Variants in PSIP1 observed in about 807,000 individuals in gnomAD.
PSIP1 encodes the protein PC4 and SFRS1-interacting protein.
PSIP1 carries 19 observed loss-of-function variants against 74.7 expected under a neutral mutation model. The ratio of observed to expected loss-of-function variants is 0.25; its 90% CI spans 0.18 to 0.37. The LOEUF is 0.37. Ranked by LOEUF, PSIP1 falls within the 10% of genes least tolerant of loss-of-function variation. PSIP1 has a pLI of 1.00. For synonymous variants in PSIP1, 222 were observed against 195.3 expected (o/e 1.14, Z -1.14); for missense variants, 601 against 614.3 (o/e 0.98, Z 0.23).
chr9:15,486,144 T>C, intron 5 of PSIP1, 76 bp from the exon 6 acceptor site: 1 of 1,238,656 alleles, frequency 8.1e-7, no homozygotes, highest in Non-Finnish European at 1.1e-6. Context: ...AACTAAAAGT[T>C]ACAAGCACGT....
chr9:15,502,557 T>G lies in PSIP1; in HGVS notation c.149+4004A>C, dbSNP rs117845441. ...CTGAGTAGCTGGGACTACAGACATG[T>G]CCCAGTGTGCCCAACTTAGGACATT... On this transcript the variant is annotated intron_variant, in intron 3 of 15. Transcript: ENST00000380733. 9.9e-3 allele frequency among the ~76,000 whole-genome samples: 1,502 copies of G among 152,292 alleles called. 15 individuals carry two copies. The highest frequency in any genetic ancestry group is 0.016 in the Non-Finnish European group (1,068 of 68,020).
intron 6 of PSIP1, chr9:15,485,787 G>T (rs982637668): frequency 2.5e-5 from 10 of 396,818 alleles, no homozygotes; most frequent in Non-Finnish European, 2.7e-5. Flanking sequence ...ATGAAAACTG[G>T]TGTATTTTAT....
chr9:15,503,315 C>T (rs952359515), intron 3 of PSIP1, among the ~76,000 whole-genome samples: 1 of 151,692 alleles, frequency 6.6e-6, no homozygotes, highest in African/African-American at 2.4e-5. Flanking sequence ...TGCAATGAGC[C>T]GAGATGGTGC....
Position 15,473,915 on chromosome 9 carries a change from C to CAAAAAAAAAAAAAAAA in PSIP1, c.858+93_858+94insTTTTTTTTTTTTTTTT, listed in dbSNP as rs386414512. On this transcript the variant is annotated intron_variant, in intron 9 of 15. Coordinates refer to ENST00000380733, the MANE Select transcript of PSIP1 (RefSeq NM_033222.5). ...GACTCCATCTCAAACAAAAAAAAAACAAAAAAAAAAACAAAAAAAAAACAA... is the reference window on the plus strand; with the variant it reads ...GACTCCATCTCAAACAAAAAAAAAACAAAAAAAAAAAAAAAAAAAAAAAAAAACAAAAAAAAAACAA... 8.3e-6 allele frequency: 5 copies of CAAAAAAAAAAAAAAAA among 600,640 alleles called. No individual in the cohort carries two copies. The African/African-American group carries it at 1.5e-4, about 19-fold the overall frequency. The allele number at this position is 600,640 out of a possible 1,614,324, so 37.2% of individuals were successfully genotyped here.
At position 15,465,556 on chromosome 9, in the gene PSIP1, A is replaced by T. The variant is rs1421293670; in HGVS notation, c.1557T>A (p.Thr519=). 1.9e-6 allele frequency: 3 copies of T among 1,586,342 alleles called. No homozygotes were observed. Among genetic ancestry groups the T allele is most frequent in the Non-Finnish European group, 2.6e-6 (3 of 1,157,418 alleles). Residue 519 remains threonine, a synonymous_variant, in exon 16 of 16, where the codon ACT becomes ACA. Coordinates refer to ENST00000380733, the MANE Select transcript of PSIP1 (RefSeq NM_033222.5). ...KKKPSSEERE[T]EISLKDSTLD... ...GTGTAGAATCCTTCAGAGATATTTC[A>T]GTCTCTCTCTCTTCACTGGATGGCC... is the stretch of plus-strand genomic sequence containing the variant.
At chr9:15,496,931 G>A (rs535951782) in intron 3 of PSIP1, among the ~76,000 whole-genome samples, 221 of 152,240 alleles carry the variant, frequency 1.5e-3, no homozygotes, top group African/African-American at 5.2e-3. Context: ...ACAAGTGTTG[G>A]CAAGGATGTG....
chr9:15,479,130 C>T (rs1031407187), intron 7 of PSIP1, among the ~76,000 whole-genome samples: 27 of 152,026 alleles, frequency 1.8e-4, no homozygotes, highest in Admixed American at 5.9e-4. Flanking sequence ...CAAAATATTT[C>T]CAATTTGCCA....
At chr9:15,506,923 C>G (rs542507733) in intron 2 of PSIP1, among the ~76,000 whole-genome samples, 2 of 152,332 alleles carry the variant, frequency 1.3e-5, no homozygotes, top group South Asian at 2.1e-4. Flanking sequence ...TTATTATGTG[C>G]TATTCCAGAC....
At chr9:15,490,694 A>AG (rs1196771362) in intron 3 of PSIP1, among the ~76,000 whole-genome samples, 1 of 151,802 alleles carries the variant, frequency 6.6e-6, no homozygotes, top group African/African-American at 2.4e-5. Context: ...AAAAAAAAAA[A>AG]AAAAAAAAAA....
chr9:15,485,291 T>TC lies in PSIP1; in HGVS notation c.456+714dup, dbSNP rs553138587. The stretch of plus-strand genomic sequence containing the variant: ...CCTCTATGTGAAATGGCTTCATGTG[T>TC]CCTTCCCTGCTCCTTCATCCGCCTG... On this transcript the variant is annotated intron_variant, in intron 6 of 15. Coordinates refer to ENST00000380733, the MANE Select transcript of PSIP1 (RefSeq NM_033222.5). Among the ~76,000 whole-genome samples, 36 of 152,250 alleles carry TC rather than the reference T, an allele frequency of 2.4e-4. No individual in the cohort carries two copies. The South Asian group carries it at 7.5e-3, about 32-fold the overall frequency.
chr9:15,488,103 G>T (rs2036634167), intron 4 of PSIP1, among the ~76,000 whole-genome samples: 1 of 152,068 alleles, frequency 6.6e-6, no homozygotes, highest in South Asian at 2.1e-4. Context: ...GGCTGAGGTG[G>T]GTGGATCACG....
chr9:15,466,919 G>T, intron 14 of PSIP1, 60 bp from the exon 15 acceptor site: 2 of 1,251,184 alleles, frequency 1.6e-6, no homozygotes, highest in Non-Finnish European at 2.3e-6. Flanking sequence ...AATTGAAGGT[G>T]TCCACTAAAG....
intron 10 of PSIP1, chr9:15,471,932 AAG>A: frequency 3.1e-6 from 3 of 975,894 alleles, no homozygotes; most frequent in Non-Finnish European, 3.7e-6. Context: ...ATGTCAGAGA[AAG>A]AACTCAGAAG....
At position 15,465,567 on chromosome 9, in the gene PSIP1, C is replaced by T; in HGVS notation, c.1546G>A (p.Glu516Lys). The change falls in exon 16 of 16, where the codon GAG (glutamate) becomes AAG (lysine). Residue 516 changes from glutamate (E) to lysine (K), a missense_variant. By Grantham distance (56) the Glu-to-Lys change is moderately conservative (BLOSUM62 1). Around this residue, in one of 2 missense-constraint regions of PSIP1, gnomAD observed 538 missense variants for 507.6 expected, o/e 1.06. Transcript: ENST00000380733. Reference sequence around the variant, plus strand: ...TTCAGAGATATTTCAGTCTCTCTCTCTTCACTGGATGGCCTGAAGAAAAGG... The same window carrying T: ...TTCAGAGATATTTCAGTCTCTCTCTTTTCACTGGATGGCCTGAAGAAAAGG... ...ASTKKKPSSE[E>K]RETEISLKDS... 2 of 1,585,344 alleles carry T rather than the reference C, an allele frequency of 1.3e-6. No individual in the cohort carries two copies. The highest frequency in any genetic ancestry group is 1.7e-6 in the Non-Finnish European group (2 of 1,157,658).
Position 15,468,679 on chromosome 9 carries a change from T to C in PSIP1, c.1371A>G (p.Lys457=). ...QRQHEEANKT[K]DQGKKGPNKK... ...TGTTTGGCCCTTTCTTCCCTTGATC[T>C]TTGGTTTTATTCGCTTCCTCATGCT... The change falls in exon 14 of 16, where the codon AAA becomes AAG. Residue 457 remains lysine (K), a synonymous_variant. Transcript: ENST00000380733. The C allele has an allele frequency of 1.2e-6, 2 of 1,614,162 alleles. No homozygotes were observed. Among genetic ancestry groups the C allele is most frequent in the Non-Finnish European group, 1.7e-6 (2 of 1,180,018 alleles).
intron 6 of PSIP1, among the ~76,000 whole-genome samples, chr9:15,483,144 T>C (rs1224313085): frequency 2.0e-5 from 3 of 152,182 alleles, no homozygotes; most frequent in African/African-American, 7.2e-5. Context: ...TCTATTACCC[T>C]ATCTTCATGC....
intron 14 of PSIP1, among the ~76,000 whole-genome samples, chr9:15,468,143 G>T (rs62571000): frequency 6.9e-6 from 1 of 144,830 alleles, no homozygotes; most frequent in South Asian, 2.1e-4. Flanking sequence ...AAAAAAAAAG[G>T]ACATGGCATT....
At chr9:15,484,083 G>T (rs2036452748) in intron 6 of PSIP1, among the ~76,000 whole-genome samples, 1 of 140,464 alleles carries the variant, frequency 7.1e-6, no homozygotes, top group South Asian at 2.2e-4. Context: ...AGTGAGCTAA[G>T]ATCATGCCAC....
At chr9:15,509,407 T>A (rs1366207047) in intron 2 of PSIP1, among the ~76,000 whole-genome samples, 3 of 152,198 alleles carry the variant, frequency 2.0e-5, no homozygotes, top group African/African-American at 7.2e-5. Context: ...TCACAAAACA[T>A]CCTGGGTCCT....
Sources: gnomAD v4.1 joint callset for allele counts (sites outside exome capture counted in the v4.1 genomes callset) on GRCh38, gnomAD v4.1.1 for gene constraint, gnomAD v4.1.1 regional missense constraint, MANE v1.5 for transcripts, NCBI Gene and HGNC (gene_info 2026-07-23, HGNC 2026-07-21) for gene names.